The following EMC10 variants were observed in gnomAD, a reference collection of about 807,000 sequenced individuals.
EMC10 encodes UPF0510 protein INM02.
A neutral mutation model predicts 32.2 loss-of-function variants in EMC10; 40 were observed. The ratio of observed to expected loss-of-function variants is 1.24; its 90% confidence interval spans 0.96 to 1.61. The LOEUF is 1.61. EMC10 is among the 40% of genes most tolerant of loss of function. EMC10 has a pLI of 0.00. For missense variants in EMC10, 402 were observed against 357.7 expected (o/e 1.12, Z -1.00); for synonymous variants, 178 against 158.4 (o/e 1.12, Z -0.93).
chr19:50,481,654 C>G (rs2040320888), intron 6 of EMC10: 5 of 569,608 alleles, frequency 8.8e-6, no homozygotes, highest in Admixed American at 6.9e-5. Context: ...TGGCTGAGCC[C>G]TGCTGTGCTG....
rs1381724471 is a variant in EMC10 at position 50,489,595 on chromosome 19, G to C, written c.*7336G>C. 2.0e-5 allele frequency: 3 copies of C among 152,408 alleles called. No homozygotes were observed. In the East Asian group the frequency reaches 5.8e-4, roughly 29 times the overall value. The allele number at this position is 152,408 out of a possible 1,614,324, so 9.4% of individuals were successfully genotyped here. On this transcript the variant is annotated 3_prime_UTR_variant, in exon 7 of 7. Transcript: ENST00000334976. ...GGGGACAGGCTGCCAGACCCGGCGG[G>C]TCCAGGTTGGGAACTCGGCCATGCA...
intron 2 of EMC10, 95 bp from the exon 3 acceptor site, chr19:50,478,862 G>T (rs1464719100): frequency 1.1e-6 from 1 of 932,116 alleles, no homozygotes; most frequent in Non-Finnish European, 1.7e-6. Context: ...CTCGGGTGGA[G>T]GCCAGGCCAA....
intron 1 of EMC10, chr19:50,476,895 A>T: frequency 4.7e-5 from 17 of 360,908 alleles, no homozygotes; most frequent in East Asian, 9.3e-5. Flanking sequence ...GCTCGGGAAT[A>T]TGTATGAGGG....
At chr19:50,481,007 C>T (rs1391648707) in intron 6 of EMC10, 30 bp downstream of exon 6, 3 of 1,551,424 alleles carry the variant, frequency 1.9e-6, no homozygotes, top group Admixed American at 1.8e-5. Flanking sequence ...CTCCCCTATT[C>T]CCTTCCTGAC....
rs2040302655 is a variant in EMC10 at position 50,480,604 on chromosome 19, G to T, written c.426G>T (p.Leu142=). The part of the protein sequence containing the change: ...VPACSLVESH[L]SDQLTLHVDV... ...AGTGCTCCCTGGTGGAGTCGCACCT[G>T]TCGGACCAGCTGACCCTGCACGTGG... Residue 142 remains leucine, a synonymous_variant, in exon 5 of 7, where the codon CTG becomes CTT. Transcript: ENST00000334976. This position sits in a 1 kb window ranked among gnomAD's most constrained non-coding sequence, Gnocchi z 4.4. 2.6e-6 allele frequency: 4 copies of T among 1,563,380 alleles called. No individual in the cohort carries two copies. The highest frequency in any genetic ancestry group is 2.6e-6 in the Non-Finnish European group (3 of 1,154,244).
At chr19:50,481,695 G>A (rs532514697) in intron 6 of EMC10, 6 of 615,232 alleles carry the variant, frequency 9.8e-6, no homozygotes, top group East Asian at 5.9e-5. Context: ...CACCCGCTCC[G>A]CCTGGATAGT....
chr19:50,480,062 C>T lies in EMC10; in HGVS notation c.298-49C>T. ...GGCCTGGTGGGCATCACAGCCTGTC[C>T]AGGGCTGACACCATCCTTCTGACCA... is the stretch of plus-strand genomic sequence containing the variant. On this transcript the variant is annotated intron_variant, in intron 3 of 6. Transcript: ENST00000334976. This position sits in a 1 kb window ranked among gnomAD's most constrained non-coding sequence, Gnocchi z 4.4. 6.7e-7 allele frequency: 1 copy of T among 1,488,900 alleles called. No homozygotes were observed. The highest frequency in any genetic ancestry group is 9.2e-7 in the Non-Finnish European group (1 of 1,090,864). 92.2% of individuals were successfully genotyped at this position (1,488,900 alleles called of 1,614,324 possible).
At position 50,482,675 on chromosome 19, in the gene EMC10, A is replaced by G; in HGVS notation, c.*416A>G. 1 of 482,940 alleles carries G rather than the reference A, an allele frequency of 2.1e-6. No homozygotes were observed. Among genetic ancestry groups the G allele is most frequent in the Non-Finnish European group, 3.6e-6 (1 of 275,184 alleles). The allele number at this position is 482,940 out of a possible 1,614,324, so 29.9% of individuals were successfully genotyped here. A position where few individuals can be genotyped will look rare whatever the true frequency, so the allele number is the denominator to read the frequency against. On this transcript the variant is annotated 3_prime_UTR_variant, in exon 7 of 7. Transcript: ENST00000334976. ...TCACCCTCCTGTCCCTGGCTGGGCT[A>G]GGTGGTCCTGTCCAGGCTCCTGCAG...
intron 6 of EMC10, chr19:50,481,323 C>A: frequency 3.7e-6 from 1 of 270,584 alleles, no homozygotes; most frequent in Non-Finnish European, 6.9e-6. Context: ...GGGGGTTGTA[C>A]AGGAAGGAGA....
rs14031 is a variant in EMC10 at position 50,482,817 on chromosome 19, G to C, written c.*558G>C. On this transcript the variant is annotated 3_prime_UTR_variant, in exon 7 of 7. Transcript: ENST00000334976. Reference sequence around the variant, plus strand: ...ATGAAAGAGTCGGGGCTGGATGGCCGGGGGCTTCTGGGCCCGACGCCTAGT... The same window carrying C: ...ATGAAAGAGTCGGGGCTGGATGGCCCGGGGCTTCTGGGCCCGACGCCTAGT... 1.2e-5 allele frequency: 6 copies of C among 520,348 alleles called. No individual in the cohort carries two copies. The highest frequency in any genetic ancestry group is 2.0e-5 in the Non-Finnish European group (6 of 296,014). 32.2% of individuals were successfully genotyped at this position (520,348 alleles called of 1,614,324 possible).
In EMC10 at chr19:50,486,818, G is replaced by T. The variant is rs1978372491; in HGVS notation, c.*4559G>T. 6.6e-6 allele frequency: 1 copy of T among 152,170 alleles called. No homozygotes were observed. Among genetic ancestry groups the T allele is most frequent in the South Asian group, 2.1e-4 (1 of 4,828 alleles). The allele number at this position is 152,170 out of a possible 1,614,324, so 9.4% of individuals were successfully genotyped here. On this transcript the variant is annotated 3_prime_UTR_variant, in exon 7 of 7. Coordinates refer to ENST00000334976, the MANE Select transcript of EMC10 (RefSeq NM_206538.4). ...AGTTTCATACCAAGAAGTTTGCTGA[G>T]CATGATGTTTGTATATTGATTAGGA...
In EMC10 at chr19:50,482,167, G is replaced by C; in HGVS notation, c.697G>C (p.Val233Leu). ...FAKYWMYIIP[V>L]VLFLMMSGAP... ...GCTGCAGTGGATGTACATCATTCCC[G>C]TCGTCCTGTTCCTCATGATGTCAGG... The change falls in exon 7 of 7, where the codon GTC (valine) becomes CTC (leucine). Residue 233 changes from valine to leucine, a missense_variant. Physicochemically the swap from Val to Leu is conservative, Grantham distance 32 (BLOSUM62 1). Transcript: ENST00000334976. The C allele has an allele frequency of 1.9e-6, 3 of 1,595,818 alleles. No individual in the cohort carries two copies. The highest frequency in any genetic ancestry group is 2.6e-6 in the Non-Finnish European group (3 of 1,165,318).
At chr19:50,482,023 C>T (rs2122664532) in intron 6 of EMC10, 126 bp from the exon 7 acceptor site, 7 of 1,571,910 alleles carry the variant, frequency 4.5e-6, no homozygotes, top group Admixed American at 1.7e-5. Context: ...GGGACCTGGG[C>T]GCCCTCCCCT....
At chr19:50,479,197 T>C in intron 3 of EMC10, 131 bp downstream of exon 3, 1 of 671,692 alleles carries the variant, frequency 1.5e-6, no homozygotes. Flanking sequence ...CACCTGCCAC[T>C]CTCAGCCTCT....
Position 50,478,016 on chromosome 19 carries a change from G to C in EMC10, c.187+15G>C. Reference sequence around the variant, plus strand: ...ATTTGAGATCGGTGAGTCAGGCAACGTCCTCTCCTAGACACTTAACATTGG... The same window carrying C: ...ATTTGAGATCGGTGAGTCAGGCAACCTCCTCTCCTAGACACTTAACATTGG... On this transcript the variant is annotated intron_variant, in intron 2 of 6. Coordinates refer to ENST00000334976, the MANE Select transcript of EMC10 (RefSeq NM_206538.4). 2 of 1,598,398 alleles carry C rather than the reference G, an allele frequency of 1.3e-6. No individual in the cohort carries two copies. The highest frequency in any genetic ancestry group is 1.7e-6 in the Non-Finnish European group (2 of 1,173,690).
rs1454413110 is a variant in EMC10, at chr19:50,490,279, A to G, written c.*8020A>G. On this transcript the variant is annotated 3_prime_UTR_variant, in exon 7 of 7. Coordinates refer to ENST00000334976, the MANE Select transcript of EMC10 (RefSeq NM_206538.4). ...ACAGGGGCCCGCCATCGTGCCTGCT[A>G]ATTTTTGTATTTTTTAGTAGAGACG... 1 of 151,708 alleles carries G rather than the reference A, an allele frequency of 6.6e-6. No homozygotes were observed. Among genetic ancestry groups the G allele is most frequent in the Non-Finnish European group, 1.5e-5 (1 of 67,934 alleles). 9.4% of individuals were successfully genotyped at this position (151,708 alleles called of 1,614,324 possible).
At position 50,488,513 on chromosome 19, in the gene EMC10, A is replaced by AGAAG. The variant is rs1978472370; in HGVS notation, c.*6254_*6255insGAAG. 1 of 133,314 alleles carries AGAAG rather than the reference A, an allele frequency of 7.5e-6. No homozygotes were observed. Among genetic ancestry groups the AGAAG allele is most frequent in the Non-Finnish European group, 1.6e-5 (1 of 63,448 alleles). 8.3% of individuals were successfully genotyped at this position (133,314 alleles called of 1,614,324 possible). ...GCTCGGAGAAGAGGGAAGCAGAGAA[A>AGAAG]CGGGTGAAGGAGGGAGCGTCCTAGG... On this transcript the variant is annotated 3_prime_UTR_variant, in exon 7 of 7. Transcript: ENST00000334976.
chr19:50,482,215 G>A lies in EMC10; in HGVS notation c.745G>A (p.Gly249Ser), dbSNP rs778121908. 1 of 1,071,786 alleles carries A rather than the reference G, an allele frequency of 9.3e-7. No individual in the cohort carries two copies. The highest frequency in any genetic ancestry group is 1.5e-5 in the South Asian group (1 of 65,552). The allele number at this position is 1,071,786 out of a possible 1,614,324, so 66.4% of individuals were successfully genotyped here. ...AGGAGCGCCAGACACCGGGGGCCAG[G>A]GTGGGGGTGGGGGTGGGGGTGGTGG... ...MSGAPDTGGQ[G>S]GGGGGGGGGG... is the part of the protein sequence containing the mutation. Residue 249 changes from glycine (G) to serine (S), a missense_variant, in exon 7 of 7, where the codon GGT becomes AGT. By Grantham distance (56) the Gly-to-Ser change is moderately conservative (BLOSUM62 0). Coordinates refer to ENST00000334976, the MANE Select transcript of EMC10 (RefSeq NM_206538.4).
chr19:50,481,789 C>T (rs2040322814), intron 6 of EMC10: 3 of 1,388,564 alleles, frequency 2.2e-6, no homozygotes, highest in Non-Finnish European at 2.9e-6. Context: ...CTCGAGCGCC[C>T]TCCCACTCCC....
Sources: allele counts gnomAD v4.1 joint callset, GRCh38; gene constraint gnomAD v4.1.1; non-coding constraint Gnocchi (gnomAD v3.1); transcripts MANE v1.5; gene names NCBI Gene and HGNC (gene_info 2026-07-23, HGNC 2026-07-21).